Variants in TIMP2 observed in about 807,000 individuals in gnomAD.
TIMP2 encodes the protein metalloproteinase inhibitor 2.
Under a neutral mutation model 24.3 loss-of-function variants are expected in TIMP2, and 5 were observed. That is an observed-to-expected ratio of 0.21 (90% CI 0.11 to 0.43). TIMP2 has a LOEUF of 0.43. Ranked by LOEUF, TIMP2 falls within the 20% of genes least tolerant of loss-of-function variation. TIMP2 has a pLI of 1.00. For missense variants in TIMP2, 221 were observed against 297.5 expected, an observed-to-expected ratio of 0.74 and a Z score of 1.89; for synonymous variants, 130 against 123.2, an observed-to-expected ratio of 1.06 and a Z score of -0.37.
chr17:78,907,646 T>C (rs568062952), intron 1 of TIMP2, among the ~76,000 whole-genome samples: 1 of 152,162 alleles, frequency 6.6e-6, no homozygotes, highest in South Asian at 2.1e-4. Flanking sequence ...AGTGAACACG[T>C]GATGTGAGAA....
intron 1 of TIMP2, among the ~76,000 whole-genome samples, chr17:78,921,785 C>A (rs1333955635): frequency 6.6e-6 from 1 of 152,220 alleles, no homozygotes; most frequent in Non-Finnish European, 1.5e-5. Context: ...TCCTAAACAT[C>A]ACCACCTCAT....
At chr17:78,905,686 A>C (rs1444658304) in intron 1 of TIMP2, among the ~76,000 whole-genome samples, 2 of 152,216 alleles carry the variant, frequency 1.3e-5, no homozygotes, top group Middle Eastern at 3.2e-3. Flanking sequence ...GGCTCTCCTG[A>C]CGCTGCCTTG....
intron 1 of TIMP2, among the ~76,000 whole-genome samples, chr17:78,895,500 G>T (rs1256253214): frequency 2.6e-5 from 4 of 152,188 alleles, no homozygotes; most frequent in African/African-American, 9.7e-5. Flanking sequence ...GGAAGGAGGG[G>T]GAGGAATTGG....
At chr17:78,860,644 A>G (rs1201455493) in intron 3 of TIMP2, among the ~76,000 whole-genome samples, 2 of 152,184 alleles carry the variant, frequency 1.3e-5, no homozygotes, top group Non-Finnish European at 2.9e-5. Context: ...CTTATGTGAC[A>G]TTCCAGGTGA....
At position 78,924,850 on chromosome 17, in the gene TIMP2, C is replaced by T; in HGVS notation, c.130+109G>A. The T allele has an allele frequency of 1.5e-6, 1 of 647,124 alleles. No homozygotes were observed. Among genetic ancestry groups the T allele is most frequent in the Non-Finnish European group, 2.0e-6 (1 of 489,408 alleles). 40.1% of individuals were successfully genotyped at this position (647,124 alleles called of 1,614,324 possible). A position where few individuals can be genotyped will look rare whatever the true frequency, so the allele number is the denominator to read the frequency against. ...GAGAAGGCGCCGAGGGACCAGGAGG[C>T]GGGCGCTGGGGTCCCTCGGCCAGCG... On this transcript the variant is annotated intron_variant, in intron 1 of 4. Transcript: ENST00000262768. This position sits in a 1 kb window ranked among gnomAD's most constrained non-coding sequence, Gnocchi z 5.3.
intron 1 of TIMP2, among the ~76,000 whole-genome samples, chr17:78,921,399 C>T (rs974279515): frequency 3.9e-5 from 6 of 152,184 alleles, no homozygotes; most frequent in Admixed American, 3.9e-4. Context: ...TAATGTGTGG[C>T]CTTAGGTACT....
intron 2 of TIMP2, among the ~76,000 whole-genome samples, chr17:78,872,007 T>G (rs1414925199): frequency 6.6e-6 from 1 of 151,892 alleles, no homozygotes; most frequent in Non-Finnish European, 1.5e-5. Flanking sequence ...TTTTGCATAT[T>G]TCCAGGAATT....
At chr17:78,918,119 G>A (rs1027975996) in intron 1 of TIMP2, among the ~76,000 whole-genome samples, 8 of 149,030 alleles carry the variant, frequency 5.4e-5, no homozygotes, top group Admixed American at 2.0e-4. Flanking sequence ...TACAGTTTCC[G>A]GGCTTGTGAC....
At chr17:78,911,748 T>A (rs556416564) in intron 1 of TIMP2, among the ~76,000 whole-genome samples, 1 of 151,992 alleles carries the variant, frequency 6.6e-6, no homozygotes, top group Admixed American at 6.5e-5. Context: ...GACTCACTCA[T>A]CAAAAATTTA....
Position 78,891,620 on chromosome 17 carries a change from C to A in TIMP2, c.131-17701G>T, listed in dbSNP as rs564784149. On this transcript the variant is annotated intron_variant, in intron 1 of 4. Transcript: ENST00000262768. This position sits in a 1 kb window ranked among gnomAD's most constrained non-coding sequence, Gnocchi z 4.5. ...CCCCTCCAGACTCTGTCCCTGAGAG[C>A]GACTGGTCAGGGCTGGAACAAAGCA... 369 of 1,550,924 alleles carry A rather than the reference C, an allele frequency of 2.4e-4. 1 individual carries two copies. In the African/African-American group the frequency reaches 4.6e-3, roughly 19 times the overall value.
chr17:78,865,729 T>C lies in TIMP2; in HGVS notation c.340+5169A>G, dbSNP rs575650498. Among the ~76,000 whole-genome samples, 5 of 152,038 alleles carry C rather than the reference T, an allele frequency of 3.3e-5. No individual in the cohort carries two copies. In the South Asian group the frequency reaches 8.3e-4, roughly 25 times the overall value. The stretch of plus-strand genomic sequence containing the variant: ...ACTGCTTGAACCCGGGAGGCAGAGA[T>C]TGCAGTGACCCGAGATTGTGCCACT... On this transcript the variant is annotated intron_variant, in intron 3 of 4. Coordinates refer to ENST00000262768, the MANE Select transcript of TIMP2 (RefSeq NM_003255.5).
intron 1 of TIMP2, among the ~76,000 whole-genome samples, chr17:78,885,854 C>T (rs956641228): frequency 6.6e-6 from 1 of 152,078 alleles, no homozygotes; most frequent in African/African-American, 2.4e-5. Context: ...AGGCATGGGA[C>T]GGGGTGAGCC....
In TIMP2 at chr17:78,853,451, T is replaced by G. The variant is rs1179111960; in HGVS notation, c.*2216A>C. Reference sequence around the variant, plus strand: ...CCACCCGGCTCTTCTTAACCTGTTTTGTTTTCTGCTCAGCACGGTTAAAAG... The same window carrying G: ...CCACCCGGCTCTTCTTAACCTGTTTGGTTTTCTGCTCAGCACGGTTAAAAG... On this transcript the variant is annotated 3_prime_UTR_variant, in exon 5 of 5. Transcript: ENST00000262768. 1 of 152,260 alleles carries G rather than the reference T, an allele frequency of 6.6e-6. No homozygotes were observed. The highest frequency in any genetic ancestry group is 1.5e-5 in the Non-Finnish European group (1 of 68,034). The allele number at this position is 152,260 out of a possible 1,614,324, so 9.4% of individuals were successfully genotyped here.
Position 78,855,876 on chromosome 17 carries a change from CACACGGAGGGGG to C in TIMP2, c.466-24_466-13del. ...GGGCAGCGCGTGATCTGGGGAGGGGCACACGGAGGGGGACGGAGTCAGGGACCCAGGAAGGGG... is the reference window on the plus strand; with the variant it reads ...GGGCAGCGCGTGATCTGGGGAGGGGCACGGAGTCAGGGACCCAGGAAGGGG... On this transcript the variant is annotated splice_polypyrimidine_tract_variant and intron_variant, in intron 4 of 4. Transcript: ENST00000262768. The surrounding 1 kb of genome is among the most constrained non-coding windows in gnomAD (Gnocchi z 6.0). 1 of 1,613,554 alleles carries C rather than the reference CACACGGAGGGGG, an allele frequency of 6.2e-7. No homozygotes were observed. Among genetic ancestry groups the C allele is most frequent in the South Asian group, 1.1e-5 (1 of 91,070 alleles).
chr17:78,895,227 G>A, intron 1 of TIMP2, among the ~76,000 whole-genome samples: 1 of 152,194 alleles, frequency 6.6e-6, no homozygotes, highest in Admixed American at 6.5e-5. Flanking sequence ...GTTGCAATGA[G>A]CTGAGATTGC....
In TIMP2 at chr17:78,891,010, C is replaced by T. The variant is rs770219042; in HGVS notation, c.131-17091G>A. 14 of 1,551,070 alleles carry T rather than the reference C, an allele frequency of 9.0e-6. No individual in the cohort carries two copies. The highest frequency in any genetic ancestry group is 2.4e-5 in the South Asian group (2 of 84,062). The stretch of plus-strand genomic sequence containing the variant: ...CTTTCTGCCTTTGCCTGGATGCCGT[C>T]GAGCCCACTCTGTCTGCCTGGTCTT... On this transcript the variant is annotated intron_variant, in intron 1 of 4. Coordinates refer to ENST00000262768, the MANE Select transcript of TIMP2 (RefSeq NM_003255.5). This position sits in a 1 kb window ranked among gnomAD's most constrained non-coding sequence, Gnocchi z 4.5.
At chr17:78,890,808 C>G (rs2069877634) in intron 1 of TIMP2, 3 of 1,550,634 alleles carry the variant, frequency 1.9e-6, no homozygotes, top group Non-Finnish European at 1.7e-6. Flanking sequence ...AGCTCAGATC[C>G]TCTCTCCCTT....
chr17:78,865,353 G>A (rs1324020016), intron 3 of TIMP2, among the ~76,000 whole-genome samples: 7 of 151,748 alleles, frequency 4.6e-5, no homozygotes, highest in East Asian at 3.9e-4. Context: ...GCCCAGGTGC[G>A]GTGGCTCACA....
intron 3 of TIMP2, among the ~76,000 whole-genome samples, chr17:78,859,842 A>G (rs1043039251): frequency 2.6e-5 from 4 of 151,708 alleles, no homozygotes; most frequent in African/African-American, 9.7e-5. Flanking sequence ...ACATACAAAA[A>G]TTAGCTGGGC....
Sources: allele counts gnomAD v4.1 joint callset (sites outside exome capture counted in the v4.1 genomes callset), GRCh38; gene constraint gnomAD v4.1.1; non-coding constraint Gnocchi (gnomAD v3.1); transcripts MANE v1.5; gene names NCBI Gene and HGNC (gene_info 2026-07-23, HGNC 2026-07-21).